Variants in ATF3 observed in about 807,000 individuals in gnomAD.
The protein encoded by ATF3 is cyclic AMP-dependent transcription factor ATF-3.
A neutral mutation model predicts 18.4 loss-of-function variants in ATF3; 10 were observed. That is an observed-to-expected ratio of 0.54 (90% CI 0.34 to 0.92). ATF3 has a LOEUF of 0.92. Among genes scored for constraint, ATF3 ranks in the 40% least tolerant of loss-of-function variants. The probability of loss-of-function intolerance (pLI) is 0.02; values close to 1 mark genes in which losing one functional copy is unlikely to be tolerated. For synonymous variants in ATF3, 78 were observed against 87.9 expected, an observed-to-expected ratio of 0.89 and a Z score of 0.63; for missense variants, 183 against 222.3, an observed-to-expected ratio of 0.82 and a Z score of 1.12.
At chr1:212,583,922 G>A (rs1664731617) in intron 1 of ATF3, among the ~76,000 whole-genome samples, 1 of 152,154 alleles carries the variant, frequency 6.6e-6, no homozygotes, top group Admixed American at 6.5e-5. Context: ...TATTTACCAA[G>A]TATCTACCAT....
At position 212,570,601 on chromosome 1, in the gene ATF3, C is replaced by G. The variant is rs193256381; in HGVS notation, c.-5+5118C>G. Among the ~76,000 whole-genome samples the G allele has an allele frequency of 3.0e-4, 46 of 152,308 alleles. No homozygotes were observed. In the East Asian group the frequency reaches 4.8e-3, roughly 16 times the overall value. ...TTACCATCATCCCGGAAAGCTCCCT[C>G]GTGTTCTCTCCCAGCTGGTCCTCAC... On this transcript the variant is annotated intron_variant, in intron 1 of 3. Coordinates refer to the ATF3 transcript ENST00000366981.
intron 1 of ATF3, among the ~76,000 whole-genome samples, chr1:212,597,770 T>A (rs1399436459): frequency 6.6e-6 from 1 of 151,528 alleles, no homozygotes; most frequent in Non-Finnish European, 1.5e-5. Context: ...TGTAGATGAG[T>A]ACACTTTGGA....
intron 1 of ATF3, among the ~76,000 whole-genome samples, chr1:212,567,225 G>A (rs778634993): frequency 7.2e-5 from 11 of 151,788 alleles, no homozygotes; most frequent in Non-Finnish European, 1.5e-4. Context: ...TGCAGCTGCC[G>A]TAGGAGCAGC....
At position 212,618,853 on chromosome 1, in the gene ATF3, T is replaced by C; in HGVS notation, c.349-505T>C. 1.5e-6 allele frequency: 1 copy of C among 686,536 alleles called. No homozygotes were observed. Among genetic ancestry groups the C allele is most frequent in the East Asian group, 2.8e-5 (1 of 36,116 alleles). 42.5% of individuals were successfully genotyped at this position (686,536 alleles called of 1,614,324 possible). A position where few individuals can be genotyped will look rare whatever the true frequency, so the allele number is the denominator to read the frequency against. On this transcript the variant is annotated intron_variant, in intron 3 of 3. Coordinates refer to ENST00000341491, the MANE Select transcript of ATF3 (RefSeq NM_001674.4). The surrounding 1 kb of genome is among the most constrained non-coding windows in gnomAD (Gnocchi z 4.4). ...AGTGGCTGTGTCCCTCCTCCAAATG[T>C]GGACAGGCCATGACAGAGTCTTAGC...
chr1:212,581,932 T>C (rs1265548329), intron 1 of ATF3, among the ~76,000 whole-genome samples: 2 of 152,206 alleles, frequency 1.3e-5, no homozygotes, highest in Non-Finnish European at 2.9e-5. Flanking sequence ...GGTCTTCTTT[T>C]AATGAATATA....
At chr1:212,603,373 G>A (rs951827398) in intron 1 of ATF3, among the ~76,000 whole-genome samples, 10 of 152,272 alleles carry the variant, frequency 6.6e-5, no homozygotes, top group East Asian at 3.9e-4. Context: ...AGGAAAAAGC[G>A]CCTGCAGGAT....
rs1192833712 is a variant in ATF3 at position 212,609,375 on chromosome 1, T to TGGG, written c.-5+456_-5+458dup. On this transcript the variant is annotated intron_variant, in intron 1 of 3. Transcript: ENST00000341491. ...ACTGTGGGAGCCGATCCTTCCCGGG[T>TGGG]GGGGGGGGGGGGGCGCAGAGAGGCA... 1.1e-3 allele frequency among the ~76,000 whole-genome samples: 75 copies of TGGG among 67,256 alleles called. 2 individuals are homozygous for TGGG. The highest frequency in any genetic ancestry group is 9.6e-3 in the South Asian group (16 of 1,670). The allele number at this position is 67,256 out of a possible 152,430, so 44.1% of individuals were successfully genotyped here. A position where few individuals can be genotyped will look rare whatever the true frequency, so the allele number is the denominator to read the frequency against.
At chr1:212,581,525 A>C (rs1225556027) in intron 1 of ATF3, among the ~76,000 whole-genome samples, 2 of 152,184 alleles carry the variant, frequency 1.3e-5, no homozygotes, top group Admixed American at 6.5e-5. Flanking sequence ...AGAATGTTTT[A>C]TGGAATTTGA....
In ATF3 at chr1:212,618,685, G is replaced by T; in HGVS notation, c.348+451G>T. On this transcript the variant is annotated intron_variant, in intron 3 of 3. Coordinates refer to ENST00000341491, the MANE Select transcript of ATF3 (RefSeq NM_001674.4). This position sits in a 1 kb window ranked among gnomAD's most constrained non-coding sequence, Gnocchi z 4.4. ...TTACACTTGCTTTGCATTCTTGTCT[G>T]GTTCCTAACTCTAGAGCCCTTCTCC... 2.3e-6 allele frequency: 1 copy of T among 432,664 alleles called. No homozygotes were observed. Among genetic ancestry groups the T allele is most frequent in the Non-Finnish European group, 4.3e-6 (1 of 234,464 alleles). The allele number at this position is 432,664 out of a possible 1,614,324, so 26.8% of individuals were successfully genotyped here.
chr1:212,585,542 T>A (rs1314699490), intron 1 of ATF3, among the ~76,000 whole-genome samples: 3 of 152,184 alleles, frequency 2.0e-5, no homozygotes, highest in Non-Finnish European at 4.4e-5. Context: ...TCCCGGAGAA[T>A]TTATGAAGAC....
At chr1:212,568,309 C>T (rs192482956) in intron 1 of ATF3, among the ~76,000 whole-genome samples, 165 of 152,272 alleles carry the variant, frequency 1.1e-3, no homozygotes, top group African/African-American at 3.3e-3. Flanking sequence ...AGCTGAATTA[C>T]ACACAAAAAT....
rs567176101 is a variant in ATF3 at position 212,582,275 on chromosome 1, A to G, written c.-5+16792A>G. ...CAGAAGTTAACCTTCATTGTGCACC[A>G]CCTTTTAGGAAGGAACCAGGCCAGC... On this transcript the variant is annotated intron_variant, in intron 1 of 3. Coordinates refer to the ATF3 transcript ENST00000366981. Among the ~76,000 whole-genome samples, 388 of 152,290 alleles carry G rather than the reference A, an allele frequency of 2.5e-3. 1 individual carries two copies. The highest frequency in any genetic ancestry group is 9.2e-3 in the African/African-American group (384 of 41,562).
chr1:212,584,362 G>T (rs1664739538), intron 1 of ATF3, among the ~76,000 whole-genome samples: 1 of 152,104 alleles, frequency 6.6e-6, no homozygotes, highest in South Asian at 2.1e-4. Context: ...CAATTATGGA[G>T]GTTGGTGGGC....
At chr1:212,594,991 A>G (rs933167721) in intron 1 of ATF3, among the ~76,000 whole-genome samples, 1 of 152,226 alleles carries the variant, frequency 6.6e-6, no homozygotes, top group African/African-American at 2.4e-5. Flanking sequence ...ACAAAAACTG[A>G]GGATAATTGC....
chr1:212,583,861 T>C lies in ATF3; in HGVS notation c.-5+18378T>C, dbSNP rs574139381. Among the ~76,000 whole-genome samples the C allele has an allele frequency of 2.6e-4, 39 of 152,292 alleles. No homozygotes were observed. In the Middle Eastern group the frequency reaches 0.01, roughly 40 times the overall value. On this transcript the variant is annotated intron_variant, in intron 1 of 3. Coordinates refer to the ATF3 transcript ENST00000366981. The stretch of plus-strand genomic sequence containing the variant: ...AAAATGGGAATCATAGTATCTACCA[T>C]GTGGCATTGTTGTAAAGATTAGAAA...
Position 212,618,867 on chromosome 1 carries a change from C to A in ATF3, c.349-491C>A. 2.6e-6 allele frequency: 2 copies of A among 766,128 alleles called. No homozygotes were observed. The highest frequency in any genetic ancestry group is 2.2e-6 in the Non-Finnish European group (1 of 459,854). The allele number at this position is 766,128 out of a possible 1,614,324, so 47.5% of individuals were successfully genotyped here. ...TCCTCCAAATGTGGACAGGCCATGA[C>A]AGAGTCTTAGCCCAAGTCCCACAGA... On this transcript the variant is annotated intron_variant, in intron 3 of 3. Coordinates refer to ENST00000341491, the MANE Select transcript of ATF3 (RefSeq NM_001674.4). This position sits in a 1 kb window ranked among gnomAD's most constrained non-coding sequence, Gnocchi z 4.4.
Position 212,618,723 on chromosome 1 carries a change from G to A in ATF3, c.348+489G>A, listed in dbSNP as rs186705430. Reference sequence around the variant, plus strand: ...AGAGCCCTTCTCCCTGGCTTAGCCAGTAAGCTGAGCCCCTGGCTGCGTTCA... The same window carrying A: ...AGAGCCCTTCTCCCTGGCTTAGCCAATAAGCTGAGCCCCTGGCTGCGTTCA... On this transcript the variant is annotated intron_variant, in intron 3 of 3. Coordinates refer to ENST00000341491, the MANE Select transcript of ATF3 (RefSeq NM_001674.4). The surrounding 1 kb of genome is among the most constrained non-coding windows in gnomAD (Gnocchi z 4.4). 4.7e-4 allele frequency: 224 copies of A among 479,134 alleles called. No individual in the cohort carries two copies. Among genetic ancestry groups the A allele is most frequent in the African/African-American group, 3.9e-3 (200 of 51,288 alleles). 29.7% of individuals were successfully genotyped at this position (479,134 alleles called of 1,614,324 possible). A position where few individuals can be genotyped will look rare whatever the true frequency, so the allele number is the denominator to read the frequency against.
At chr1:212,609,304 C>G (rs970862944) in intron 1 of ATF3, among the ~76,000 whole-genome samples, 1 of 146,152 alleles carries the variant, frequency 6.8e-6, no homozygotes, top group African/African-American at 2.5e-5. Context: ...GTGTCCGAGG[C>G]TGCCTCGCTC....
chr1:212,608,546 T>C (rs1304162090), upstream of ATF3: 1 of 152,650 alleles, frequency 6.6e-6, no homozygotes. Flanking sequence ...CTGGGCTGGC[T>C]CCTCCCCGAA....
Sources: allele counts gnomAD v4.1 joint callset (sites outside exome capture counted in the v4.1 genomes callset), GRCh38; gene constraint gnomAD v4.1.1; non-coding constraint Gnocchi (gnomAD v3.1); transcripts MANE v1.5; gene names NCBI Gene and HGNC (gene_info 2026-07-23, HGNC 2026-07-21).